CNBD2: variants seen among roughly 807,000 people sequenced by gnomAD.
CNBD2 encodes cyclic nucleotide binding domain containing 2, also known as cyclic nucleotide-binding domain-containing protein 2.
Under a neutral mutation model 63.7 loss-of-function variants are expected in CNBD2, and 64 were observed. The ratio of observed to expected loss-of-function variants is 1.00; its 90% CI spans 0.82 to 1.24. The LOEUF (loss-of-function observed/expected upper bound fraction) is 1.24. CNBD2 is among the 50% of genes most tolerant of loss of function. The probability of loss-of-function intolerance (pLI) is 0.00; values close to 1 mark genes in which losing one functional copy is unlikely to be tolerated. For missense variants in CNBD2, 691 were observed against 713.5 expected (o/e 0.97, Z 0.36); for synonymous variants, 229 against 255.4 (o/e 0.90, Z 0.99).
intron 2 of CNBD2, among the ~76,000 whole-genome samples, chr20:35,962,257 CT>C (rs917656604): frequency 2.7e-3 from 355 of 131,528 alleles, no homozygotes; most frequent in African/African-American, 4.6e-3. Context: ...TCCCTGCAGT[CT>C]TTTTTTTTTT....
chr20:35,973,132 C>T (rs2056446257), intron 2 of CNBD2: 1 of 372,962 alleles, frequency 2.7e-6, no homozygotes, highest in Non-Finnish European at 4.8e-6. Flanking sequence ...TTTCTCTTTC[C>T]AAATTCATCA....
intron 10 of CNBD2, among the ~76,000 whole-genome samples, chr20:36,014,813 C>T (rs961953750): frequency 8.6e-5 from 13 of 150,426 alleles, no homozygotes; most frequent in South Asian, 6.3e-4. Flanking sequence ...TTTTATTTTT[C>T]GTTAGAGACA....
chr20:35,956,010 C>A (rs113884946), downstream of CNBD2, among the ~76,000 whole-genome samples: 1 of 152,174 alleles, frequency 6.6e-6, no homozygotes, highest in African/African-American at 2.4e-5. Flanking sequence ...CGTGAGCCAC[C>A]GTGCCGGGCC....
downstream of CNBD2, chr20:35,958,745 C>T (rs572897273): frequency 9.8e-5 from 15 of 152,324 alleles, no homozygotes; most frequent in Admixed American, 2.6e-4. Context: ...AGAGATCCCT[C>T]GTGCTATCTC....
intron 10 of CNBD2, among the ~76,000 whole-genome samples, chr20:36,014,044 G>C (rs1036059719): frequency 6.6e-6 from 1 of 151,768 alleles, no homozygotes; most frequent in Non-Finnish European, 1.5e-5. Context: ...TTAGCCGGGC[G>C]TGGTGGCAGG....
Position 35,976,020 on chromosome 20 carries a change from C to A in CNBD2, c.243+18C>A. On this transcript the variant is annotated intron_variant, in intron 3 of 11. Coordinates refer to ENST00000373973, the MANE Select transcript of CNBD2 (RefSeq NM_001365709.1). ...CAGAGGAGGTATGCATAGCTCGAAACTTGCTGTGGGGGAATTTTCTTTCTG... is the reference window on the plus strand; with the variant it reads ...CAGAGGAGGTATGCATAGCTCGAAAATTGCTGTGGGGGAATTTTCTTTCTG... The A allele has an allele frequency of 2.5e-6, 4 of 1,597,664 alleles. No homozygotes were observed. Among genetic ancestry groups the A allele is most frequent in the Non-Finnish European group, 3.4e-6 (4 of 1,166,678 alleles).
At chr20:36,030,265 C>T (rs1055278170) in intron 11 of CNBD2, 92 bp from the exon 12 acceptor site, 14 of 1,223,030 alleles carry the variant, frequency 1.1e-5, no homozygotes, top group African/African-American at 4.5e-5. Flanking sequence ...CAGAATGAAG[C>T]GCCACATGCT....
At chr20:36,017,611 A>C (rs1348931884) in intron 10 of CNBD2, among the ~76,000 whole-genome samples, 2 of 152,176 alleles carry the variant, frequency 1.3e-5, no homozygotes, top group Non-Finnish European at 2.9e-5. Flanking sequence ...CCTGTTCCCC[A>C]AAACAGAAGA....
At chr20:35,968,243 A>T (rs896113374), upstream of CNBD2, among the ~76,000 whole-genome samples, 1 of 152,184 alleles carries the variant, frequency 6.6e-6, no homozygotes, top group African/African-American at 2.4e-5. Flanking sequence ...GGAAAGAGGT[A>T]GCAACTTCCT....
At chr20:35,981,059 C>G (rs1306505058) in intron 4 of CNBD2, among the ~76,000 whole-genome samples, 4 of 152,180 alleles carry the variant, frequency 2.6e-5, no homozygotes, top group African/African-American at 7.2e-5. Context: ...CAGTGATGCT[C>G]TGATTGAGAG....
At chr20:35,961,849 A>G (rs937530176) in intron 2 of CNBD2, among the ~76,000 whole-genome samples, 26 of 152,106 alleles carry the variant, frequency 1.7e-4, no homozygotes, top group Non-Finnish European at 3.4e-4. Flanking sequence ...TGGCAGCTGT[A>G]GGGCTATAAA....
chr20:36,020,812 C>T (rs1474716678), intron 10 of CNBD2, among the ~76,000 whole-genome samples: 1 of 152,308 alleles, frequency 6.6e-6, no homozygotes, highest in Non-Finnish European at 1.5e-5. Context: ...ACACGAGGTG[C>T]TTCATGTCCC....
intron 2 of CNBD2, among the ~76,000 whole-genome samples, chr20:35,960,540 A>G (rs1237961844): frequency 6.6e-6 from 1 of 152,026 alleles, no homozygotes; most frequent in Admixed American, 6.6e-5. Flanking sequence ...TTTTATAGAG[A>G]CAGGGTCTCG....
At chr20:36,014,675 G>C (rs374240588) in intron 10 of CNBD2, among the ~76,000 whole-genome samples, 1 of 151,772 alleles carries the variant, frequency 6.6e-6, no homozygotes, top group East Asian at 1.9e-4. Flanking sequence ...TGTCACTCAG[G>C]CTGGAGTGCA....
intron 3 of CNBD2, among the ~76,000 whole-genome samples, chr20:35,976,248 A>G (rs936507454): frequency 6.6e-6 from 1 of 152,236 alleles, no homozygotes; most frequent in Non-Finnish European, 1.5e-5. Context: ...AGTTGAGCAG[A>G]ACCAATGGGA....
In CNBD2 at chr20:35,993,744, T is replaced by A. The variant is rs147011267; in HGVS notation, c.856-1294T>A. ...TCTATGTTTTTATGTCTGGTTTGAATATTTTTAAACTTTCAATTTTGGAAT... is the reference window on the plus strand; with the variant it reads ...TCTATGTTTTTATGTCTGGTTTGAAAATTTTTAAACTTTCAATTTTGGAAT... On this transcript the variant is annotated intron_variant, in intron 7 of 11. Transcript: ENST00000373973. Among the ~76,000 whole-genome samples, 1,160 of 152,262 alleles carry A rather than the reference T, an allele frequency of 7.6e-3. 25 individuals are homozygous for A. Among genetic ancestry groups the A allele is most frequent in the East Asian group, 0.054 (280 of 5,194 alleles).
exon 1 of CNBD2, chr20:35,954,774 C>G (rs1312813531): frequency 4.3e-6 from 2 of 469,338 alleles, no homozygotes; most frequent in East Asian, 7.8e-5. Context: ...CGTGCGGGCG[C>G]CCCTTCTGAT....
chr20:36,022,903 A>C (rs1434599904), intron 10 of CNBD2, among the ~76,000 whole-genome samples: 1 of 152,166 alleles, frequency 6.6e-6, no homozygotes, highest in Non-Finnish European at 1.5e-5. Context: ...TACAGGTGTG[A>C]GCCACTGCAC....
chr20:36,019,624 G>A (rs951707543), intron 10 of CNBD2, among the ~76,000 whole-genome samples: 20 of 151,902 alleles, frequency 1.3e-4, no homozygotes, highest in African/African-American at 4.8e-4. Context: ...GTTCAAGGCA[G>A]GAGGGAGGAG....
Sources: gnomAD v4.1 joint callset for allele counts (sites outside exome capture counted in the v4.1 genomes callset) on GRCh38, gnomAD v4.1.1 for gene constraint, MANE v1.5 for transcripts, NCBI Gene and HGNC (gene_info 2026-07-23, HGNC 2026-07-21) for gene names.